LINGO2: variants seen among roughly 807,000 people sequenced by gnomAD.
LINGO2 encodes leucine-rich repeat and immunoglobulin-like domain-containing nogo receptor-interacting protein 2.
In LINGO2, 14 loss-of-function variants were observed where a neutral mutation model predicts 30.6. The observed-to-expected ratio is 0.46, with a 90% CI of 0.30 to 0.72. LINGO2 has a LOEUF of 0.72. Among genes scored for constraint, LINGO2 ranks in the 30% least tolerant of loss-of-function variants. The probability of loss-of-function intolerance (pLI) is 0.07; values close to 1 mark genes in which losing one functional copy is unlikely to be tolerated. For synonymous variants in LINGO2, 317 were observed against 288.5 expected (o/e 1.10, Z -1.00); for missense variants, 729 against 751.7 (o/e 0.97, Z 0.35).
chr9:27,973,804 C>T (rs1267854209), intron 5 of LINGO2, among the ~76,000 whole-genome samples: 1 of 152,176 alleles, frequency 6.6e-6, no homozygotes, highest in Non-Finnish European at 1.5e-5. Flanking sequence ...CATGATGGTT[C>T]ATTCACCAAT....
chr9:29,135,740 G>A, the LINGO2 span, among the ~76,000 whole-genome samples: 3 of 152,022 alleles, frequency 2.0e-5, no homozygotes, highest in Admixed American at 1.3e-4. Flanking sequence ...TTATCTTGCA[G>A]AACTGAACCT....
intron 4 of LINGO2, among the ~76,000 whole-genome samples, chr9:28,196,989 T>C (rs1173411961): frequency 2.6e-5 from 4 of 151,834 alleles, no homozygotes; most frequent in African/African-American, 9.7e-5. Context: ...GGTAGCACAA[T>C]AGGGTGGCTA....
chr9:28,980,797 A>G, the LINGO2 span, among the ~76,000 whole-genome samples: 1 of 149,962 alleles, frequency 6.7e-6, no homozygotes, highest in Non-Finnish European at 1.5e-5. Context: ...CATCTGGCAT[A>G]CTCTGTATTT....
chr9:28,557,712 G>T (rs1222794957), intron 1 of LINGO2, among the ~76,000 whole-genome samples: 8 of 151,144 alleles, frequency 5.3e-5, no homozygotes, highest in Admixed American at 2.0e-4. Context: ...GTTTATTGCG[G>T]CATTATTCAC....
chr9:28,553,815 C>G (rs932045843), intron 1 of LINGO2, among the ~76,000 whole-genome samples: 1 of 152,032 alleles, frequency 6.6e-6, no homozygotes, highest in African/African-American at 2.4e-5. Flanking sequence ...AGAAACCCTA[C>G]AAGCCAGAAG....
At chr9:28,956,068 C>G in the LINGO2 span, among the ~76,000 whole-genome samples, 1 of 151,994 alleles carries the variant, frequency 6.6e-6, no homozygotes, top group East Asian at 1.9e-4. Context: ...AATTAGGTGA[C>G]TCTGTGTCAT....
intron 3 of LINGO2, among the ~76,000 whole-genome samples, chr9:28,304,266 T>C (rs903609140): frequency 1.3e-5 from 2 of 150,328 alleles, no homozygotes; most frequent in Non-Finnish European, 3.0e-5. Flanking sequence ...ATATATAAAA[T>C]GTATAATTCT....
At chr9:28,739,547 C>A in the LINGO2 span, among the ~76,000 whole-genome samples, 101 of 151,788 alleles carry the variant, frequency 6.7e-4, no homozygotes, top group African/African-American at 2.2e-3. Context: ...ACAGGAAGAA[C>A]AAAAGGAATA....
chr9:28,038,419 C>T (rs1202603779), intron 4 of LINGO2, among the ~76,000 whole-genome samples: 6 of 152,060 alleles, frequency 3.9e-5, no homozygotes, highest in Non-Finnish European at 8.8e-5. Context: ...TATGGCTGGG[C>T]GCGGTGGCTC....
intron 2 of LINGO2, among the ~76,000 whole-genome samples, chr9:28,411,371 A>G (rs1822756292): frequency 6.6e-6 from 1 of 152,114 alleles, no homozygotes; most frequent in Non-Finnish European, 1.5e-5. Context: ...CTTACAATAT[A>G]CTATCTTAAC....
At chr9:28,302,012 C>A (rs951435013) in intron 3 of LINGO2, among the ~76,000 whole-genome samples, 3 of 152,132 alleles carry the variant, frequency 2.0e-5, no homozygotes, top group African/African-American at 7.2e-5. Flanking sequence ...AGATCATTTC[C>A]AGATAAGCAA....
chr9:28,496,099 A>G (rs565092772), intron 1 of LINGO2, among the ~76,000 whole-genome samples: 2 of 151,568 alleles, frequency 1.3e-5, no homozygotes, highest in Non-Finnish European at 2.9e-5. Flanking sequence ...CAATTTTGGA[A>G]TAAGTGTGAT....
the LINGO2 span, among the ~76,000 whole-genome samples, chr9:28,957,291 T>A: frequency 6.6e-6 from 1 of 152,158 alleles, no homozygotes; most frequent in Non-Finnish European, 1.5e-5. Flanking sequence ...AGGAAATTAA[T>A]GTAGGATTGC....
chr9:28,256,082 C>A (rs887775770), intron 4 of LINGO2, among the ~76,000 whole-genome samples: 6 of 151,910 alleles, frequency 3.9e-5, no homozygotes, highest in African/African-American at 1.4e-4. Flanking sequence ...GGGATATATA[C>A]CCAAAACAAA....
chr9:28,992,123 C>T, the LINGO2 span, among the ~76,000 whole-genome samples: 14 of 152,240 alleles, frequency 9.2e-5, 1 homozygote, highest in East Asian at 1.9e-4. Context: ...GGAAACCCAT[C>T]TCATGTGCAG....
intron 4 of LINGO2, among the ~76,000 whole-genome samples, chr9:28,109,919 C>G (rs1826722977): frequency 6.6e-6 from 1 of 151,962 alleles, no homozygotes; most frequent in Non-Finnish European, 1.5e-5. Flanking sequence ...GGAACCAAAA[C>G]AGAGCCCAAA....
At chr9:28,202,146 A>G (rs913571458) in intron 4 of LINGO2, among the ~76,000 whole-genome samples, 6 of 152,150 alleles carry the variant, frequency 3.9e-5, no homozygotes, top group African/African-American at 1.4e-4. Context: ...ATATTATAAT[A>G]CAGTCCTCCA....
At chr9:28,817,367 T>C in the LINGO2 span, among the ~76,000 whole-genome samples, 1 of 152,206 alleles carries the variant, frequency 6.6e-6, no homozygotes, top group Admixed American at 6.5e-5. Context: ...ACTGAACCAT[T>C]TCACATAATC....
chr9:28,717,515 A>T, the LINGO2 span, among the ~76,000 whole-genome samples: 1 of 151,986 alleles, frequency 6.6e-6, no homozygotes, highest in Non-Finnish European at 1.5e-5. Flanking sequence ...AGTAAACAAT[A>T]AAGACTAAAA....
Sources: allele counts gnomAD v4.1 joint callset (sites outside exome capture counted in the v4.1 genomes callset), GRCh38; gene constraint gnomAD v4.1.1; transcripts MANE v1.5; gene names NCBI Gene and HGNC (gene_info 2026-07-23, HGNC 2026-07-21).